Variants in E2F3 observed in about 807,000 individuals in gnomAD.
E2F3 encodes E2F transcription factor 3.
Under a neutral mutation model 44.4 loss-of-function variants are expected in E2F3, and 11 were observed. The observed-to-expected ratio is 0.25, with a 90% CI of 0.16 to 0.41. E2F3 has a LOEUF of 0.41. Ranked by LOEUF, E2F3 falls within the 10% of genes least tolerant of loss-of-function variation. The probability of loss-of-function intolerance (pLI) is 1.00; values close to 1 mark genes in which losing one functional copy is unlikely to be tolerated. For synonymous variants in E2F3, 249 were observed against 253.0 expected (o/e 0.98, Z 0.15); for missense variants, 487 against 583.6 (o/e 0.83, Z 1.70).
intron 4 of E2F3, among the ~76,000 whole-genome samples, chr6:20,486,360 C>T (rs1762391790): frequency 6.6e-6 from 1 of 152,186 alleles, no homozygotes; most frequent in South Asian, 2.1e-4. Context: ...GCAAGCTCCA[C>T]CTCCCGGGTT....
intron 1 of E2F3, among the ~76,000 whole-genome samples, chr6:20,430,644 G>A (rs894472511): frequency 6.6e-6 from 1 of 152,088 alleles, no homozygotes; most frequent in Non-Finnish European, 1.5e-5. Flanking sequence ...TCCTTTTTAT[G>A]GGTTGGCTTC....
intron 1 of E2F3, among the ~76,000 whole-genome samples, chr6:20,432,542 G>A (rs1760442825): frequency 6.6e-6 from 1 of 152,248 alleles, no homozygotes; most frequent in Non-Finnish European, 1.5e-5. Flanking sequence ...CTTCTTCAGT[G>A]GGCTGAGTTT....
intron 1 of E2F3, among the ~76,000 whole-genome samples, chr6:20,424,398 T>C (rs1760139964): frequency 6.6e-6 from 1 of 151,900 alleles, no homozygotes; most frequent in Non-Finnish European, 1.5e-5. Context: ...TGTGTGTGTG[T>C]GTGTGTGTGT....
intron 1 of E2F3, among the ~76,000 whole-genome samples, chr6:20,427,474 G>A (rs1486422359): frequency 1.3e-5 from 2 of 152,124 alleles, no homozygotes; most frequent in African/African-American, 4.8e-5. Flanking sequence ...CAGGGACCTG[G>A]CAGGTTGGGT....
chr6:20,468,108 C>T (rs943025434), intron 1 of E2F3, among the ~76,000 whole-genome samples: 14 of 152,198 alleles, frequency 9.2e-5, no homozygotes, highest in Admixed American at 4.6e-4. Context: ...TGGGGGGTTT[C>T]CCCAGGCATC....
intron 1 of E2F3, among the ~76,000 whole-genome samples, chr6:20,404,340 G>T (rs1036506798): frequency 4.6e-5 from 7 of 152,152 alleles, no homozygotes; most frequent in Non-Finnish European, 1.0e-4. Context: ...TGGCCCGGAG[G>T]TCTCCCCTTT....
At chr6:20,445,052 C>T (rs1760894388) in intron 1 of E2F3, 1 of 985,180 alleles carries the variant, frequency 1.0e-6, no homozygotes, top group Non-Finnish European at 1.2e-6. Context: ...GCATTTGGAC[C>T]AATAACACCC....
chr6:20,405,779 C>T (rs540566701), intron 1 of E2F3, among the ~76,000 whole-genome samples: 7 of 151,872 alleles, frequency 4.6e-5, no homozygotes, highest in Non-Finnish European at 1.0e-4. Flanking sequence ...GCTGAGATCC[C>T]GCCACTGCAC....
intron 1 of E2F3, among the ~76,000 whole-genome samples, chr6:20,418,247 C>T (rs1172925923): frequency 1.3e-5 from 2 of 152,172 alleles, no homozygotes; most frequent in Non-Finnish European, 2.9e-5. Context: ...CAGCGCTGTC[C>T]ATATAGTCGA....
At chr6:20,419,287 A>G (rs922883565) in intron 1 of E2F3, among the ~76,000 whole-genome samples, 1 of 152,158 alleles carries the variant, frequency 6.6e-6, no homozygotes, top group Non-Finnish European at 1.5e-5. Context: ...ATCTATGTAC[A>G]TAAGTTTTTG....
intron 1 of E2F3, among the ~76,000 whole-genome samples, chr6:20,429,872 A>G (rs1302112369): frequency 6.6e-6 from 1 of 152,018 alleles, no homozygotes; most frequent in Non-Finnish European, 1.5e-5. Context: ...TTACACATTG[A>G]TTCCTGGGGG....
chr6:20,461,777 C>T (rs1415162481), intron 1 of E2F3, among the ~76,000 whole-genome samples: 2 of 152,122 alleles, frequency 1.3e-5, no homozygotes, highest in Non-Finnish European at 2.9e-5. Context: ...TGTACACATC[C>T]TTGTGCATAT....
intron 1 of E2F3, among the ~76,000 whole-genome samples, chr6:20,443,245 A>C (rs1374242654): frequency 1.3e-5 from 2 of 152,122 alleles, no homozygotes; most frequent in East Asian, 1.9e-4. Context: ...TCTTCATGGA[A>C]TTGTTCTGTG....
At position 20,483,045 on chromosome 6, in the gene E2F3, C is replaced by G. The variant is rs575479271; in HGVS notation, c.884+125C>G. The stretch of plus-strand genomic sequence containing the variant: ...GTCATGCAAATGAGTACCTGTGTGC[C>G]TGTGTGTGTATGTGTGTGTGTGTGC... On this transcript the variant is annotated intron_variant, in intron 4 of 6. Transcript: ENST00000346618. 1.6e-4 allele frequency: 232 copies of G among 1,412,270 alleles called. 2 individuals are homozygous for G. In the East Asian group the frequency reaches 5.6e-3, roughly 34 times the overall value. The allele number at this position is 1,412,270 out of a possible 1,614,324, so 87.5% of individuals were successfully genotyped here.
chr6:20,482,996 C>T, intron 4 of E2F3, 76 bp downstream of exon 4: 1 of 1,594,892 alleles, frequency 6.3e-7, no homozygotes, highest in Non-Finnish European at 8.6e-7. Context: ...CTGACTTATG[C>T]ACAAGGTAGA....
chr6:20,481,516 C>T (rs1270475760), intron 3 of E2F3, 91 bp downstream of exon 3: 2 of 1,130,642 alleles, frequency 1.8e-6, no homozygotes, highest in Non-Finnish European at 2.6e-6. Context: ...TCCACGCCCA[C>T]ACGTTCTTTT....
At chr6:20,417,745 G>T (rs746720) in intron 1 of E2F3, among the ~76,000 whole-genome samples, 59,428 of 151,908 alleles carry the variant, frequency 0.39, 12,711 homozygotes, top group Non-Finnish European at 0.5. Flanking sequence ...GTTAAAAGGG[G>T]TGTTTGGGAC....
intron 1 of E2F3, among the ~76,000 whole-genome samples, chr6:20,466,769 G>A (rs1280508039): frequency 2.0e-5 from 3 of 149,688 alleles, no homozygotes; most frequent in Non-Finnish European, 3.0e-5. Context: ...TGCAATCTCC[G>A]CCTGCCGGGT....
chr6:20,479,503 C>T (rs2127619955), intron 1 of E2F3, among the ~76,000 whole-genome samples: 1 of 152,312 alleles, frequency 6.6e-6, no homozygotes, highest in South Asian at 2.1e-4. Context: ...GAATTTAAGC[C>T]CCACGGCGCC....
Sources: gnomAD v4.1 joint callset for allele counts (sites outside exome capture counted in the v4.1 genomes callset) on GRCh38, gnomAD v4.1.1 for gene constraint, MANE v1.5 for transcripts, NCBI Gene and HGNC (gene_info 2026-07-23, HGNC 2026-07-21) for gene names.